The following CENPI variants were observed in gnomAD, a reference collection of about 807,000 sequenced individuals.
The protein encoded by CENPI is FSH primary response 1.
A neutral mutation model predicts 60.4 loss-of-function variants in CENPI; 4 were observed. That is an observed-to-expected ratio of 0.07 (90% CI 0.03 to 0.15). The LOEUF (loss-of-function observed/expected upper bound fraction) is 0.15. Ranked by LOEUF, CENPI falls within the 10% of genes least tolerant of loss-of-function variation. The pLI is 1.00. For synonymous variants in CENPI, 157 were observed against 189.4 expected (o/e 0.83, Z 1.40); for missense variants, 444 against 534.5 (o/e 0.83, Z 1.67).
intron 6 of CENPI, among the ~76,000 whole-genome samples, chrX:101,110,572 C>T (rs2089543439): frequency 8.9e-6 from 1 of 112,145 alleles, no homozygotes; most frequent in Admixed American, 9.5e-5. Flanking sequence ...GTTCACAGAC[C>T]ATGTGAATCA....
At position 101,165,487 on chromosome X, in the gene CENPI, T is replaced by C. The variant is rs981091713; in HGVS notation, c.*2520T>C. On this transcript the variant is annotated 3_prime_UTR_variant, in exon 22 of 22. Coordinates refer to ENST00000682095, the MANE Select transcript of CENPI (RefSeq NM_001386188.2). ...TTTGACCTGTCAATTGGGTGAACTC[T>C]GAGATTAAATTCTGTTTTGGCTATG... Among the ~76,000 whole-genome samples the C allele has an allele frequency of 1.6e-4, 18 of 111,992 alleles. No individual in the cohort carries two copies. The highest frequency in any genetic ancestry group is 5.2e-4 in the African/African-American group (16 of 30,806).
intron 11 of CENPI, 126 bp downstream of exon 11, chrX:101,127,791 G>T: frequency 2.0e-6 from 1 of 509,403 alleles, no homozygotes; most frequent in South Asian, 4.4e-5. Context: ...GCAGTGGTGT[G>T]ATCATGGCTC....
rs776207901 is a variant in CENPI at position 101,102,490 on chromosome X, T to TACACAC, written c.364+80_364+81insCACACA. The TACACAC allele has an allele frequency of 2.8e-3, 810 of 291,836 alleles. 4 individuals are homozygous for TACACAC. Among genetic ancestry groups the TACACAC allele is most frequent in the South Asian group, 7.9e-3 (102 of 12,960 alleles). The allele number at this position is 291,836 out of a possible 1,213,427, so 24.1% of individuals were successfully genotyped here. A position where few individuals can be genotyped will look rare whatever the true frequency, so the allele number is the denominator to read the frequency against. ...TTTTCTTTTAAAAATAAATCTTATA[T>TACACAC]ATATATACACACACACACACACACA... is the stretch of plus-strand genomic sequence containing the variant. On this transcript the variant is annotated intron_variant, in intron 4 of 21. Coordinates refer to ENST00000682095, the MANE Select transcript of CENPI (RefSeq NM_001386188.2).
intron 4 of CENPI, 41 bp downstream of exon 4, chrX:101,102,452 A>G (rs1487575426): frequency 2.0e-6 from 2 of 981,748 alleles, no homozygotes; most frequent in Non-Finnish European, 2.7e-6. Flanking sequence ...TAACTCACCT[A>G]GCACCTATAT....
rs1436415112 is a variant in CENPI, at chrX:101,165,150, C to G, written c.*2183C>G. On this transcript the variant is annotated 3_prime_UTR_variant, in exon 22 of 22. Coordinates refer to ENST00000682095, the MANE Select transcript of CENPI (RefSeq NM_001386188.2). ...AGTGACATAAGGAAGAAAGCCAGGTCCTTATAGCCTGGCATGGATATGTAA... is the reference window on the plus strand; with the variant it reads ...AGTGACATAAGGAAGAAAGCCAGGTGCTTATAGCCTGGCATGGATATGTAA... Among the ~76,000 whole-genome samples the G allele has an allele frequency of 1.8e-5, 2 of 111,914 alleles. No individual in the cohort carries two copies. Among genetic ancestry groups the G allele is most frequent in the Non-Finnish European group, 3.8e-5 (2 of 53,187 alleles).
At chrX:101,136,293 G>A (rs2089847611) in intron 15 of CENPI, among the ~76,000 whole-genome samples, 1 of 111,625 alleles carries the variant, frequency 9.0e-6, no homozygotes, top group Non-Finnish European at 1.9e-5. Flanking sequence ...AGAATATGAA[G>A]GTGTATGTTT....
At chrX:101,124,135 G>A (rs2089709630) in intron 8 of CENPI, among the ~76,000 whole-genome samples, 1 of 92,074 alleles carries the variant, frequency 1.1e-5, no homozygotes, top group East Asian at 3.2e-4. Context: ...GTGTGTGTGT[G>A]TATTTATAAT....
intron 20 of CENPI, among the ~76,000 whole-genome samples, chrX:101,150,073 C>T (rs1456733232): frequency 9.1e-6 from 1 of 109,728 alleles, no homozygotes; most frequent in Non-Finnish European, 1.9e-5. Flanking sequence ...TTTTTAACTA[C>T]GTAGAAGAAT....
intron 20 of CENPI, among the ~76,000 whole-genome samples, chrX:101,148,997 TAG>T (rs2089984925): frequency 9.0e-6 from 1 of 111,067 alleles, no homozygotes; most frequent in African/African-American, 3.3e-5. Flanking sequence ...ACAGACATCT[TAG>T]AAAAAACAAT....
intron 20 of CENPI, among the ~76,000 whole-genome samples, chrX:101,157,114 C>T (rs1012539606): frequency 9.0e-6 from 1 of 111,711 alleles, no homozygotes; most frequent in African/African-American, 3.3e-5. Flanking sequence ...TTTTACATTC[C>T]CATCAGCAGT....
the CENPI span, among the ~76,000 whole-genome samples, chrX:101,178,591 A>G: frequency 7.0e-3 from 753 of 108,150 alleles, 4 homozygotes; most frequent in African/African-American, 0.024. Context: ...TTGTATTTTT[A>G]TTAGAAATGG....
chrX:101,118,345 CAA>C (rs1257351991), intron 6 of CENPI, among the ~76,000 whole-genome samples: 1 of 112,107 alleles, frequency 8.9e-6, no homozygotes, highest in Non-Finnish European at 1.9e-5. Flanking sequence ...GGTTGAATGA[CAA>C]GTGGTATGTC....
chrX:101,132,333 A>G, intron 14 of CENPI, 26 bp downstream of exon 14: 1 of 1,187,459 alleles, frequency 8.4e-7, no homozygotes. Context: ...ATTTGGAGTC[A>G]TTTGATTCAA....
At chrX:101,139,081 G>T (rs1190806689) in intron 15 of CENPI, among the ~76,000 whole-genome samples, 1 of 88,184 alleles carries the variant, frequency 1.1e-5, no homozygotes, top group Non-Finnish European at 2.2e-5. Flanking sequence ...GAGCCACCGC[G>T]CCCGACCTTT....
At chrX:101,152,798 A>ATG (rs1346898398) in intron 20 of CENPI, among the ~76,000 whole-genome samples, 1 of 111,142 alleles carries the variant, frequency 9.0e-6, no homozygotes, top group Admixed American at 9.7e-5. Flanking sequence ...ATATTCCTAT[A>ATG]TATATATATG....
intron 20 of CENPI, among the ~76,000 whole-genome samples, chrX:101,151,511 A>G (rs2090005877): frequency 8.9e-6 from 1 of 111,838 alleles, no homozygotes; most frequent in Admixed American, 9.6e-5. Context: ...TTGTTATGGA[A>G]AATGTCAAAC....
chrX:101,106,102 G>A (rs2089481023), intron 4 of CENPI, among the ~76,000 whole-genome samples: 1 of 111,292 alleles, frequency 9.0e-6, no homozygotes, highest in African/African-American at 3.3e-5. Context: ...TAAAAATTAA[G>A]TCACTTGGAA....
In CENPI at chrX:101,107,675, T is replaced by A. The variant is rs1281084925; in HGVS notation, c.365-1798T>A. Among the ~76,000 whole-genome samples the A allele has an allele frequency of 2.9e-5, 3 of 105,097 alleles. No homozygotes were observed. The Admixed American group carries it at 3.1e-4, about 11-fold the overall frequency. The allele number at this position is 105,097 out of a possible 115,157, so 91.3% of individuals were successfully genotyped here. On this transcript the variant is annotated intron_variant, in intron 4 of 21. Transcript: ENST00000682095. ...CCCTCATAAAATTCATTGTTTTATT[T>A]TTTTATTTTTGAGATGGAGTTTCAC...
At chrX:101,151,330 G>A (rs2090004209) in intron 20 of CENPI, among the ~76,000 whole-genome samples, 1 of 111,820 alleles carries the variant, frequency 8.9e-6, no homozygotes, top group Non-Finnish European at 1.9e-5. Context: ...TGAGACCGTG[G>A]AAGTACAGTT....
Sources: allele counts gnomAD v4.1 joint callset (sites outside exome capture counted in the v4.1 genomes callset), GRCh38; gene constraint gnomAD v4.1.1; transcripts MANE v1.5; gene names NCBI Gene and HGNC (gene_info 2026-07-23, HGNC 2026-07-21).